C14orf132: variants seen among roughly 807,000 people sequenced by gnomAD.
C14orf132 encodes chromosome 14 open reading frame 132, also known as uncharacterized protein C14orf132.
Under a neutral mutation model 5.8 loss-of-function variants are expected in C14orf132, and 6 were observed. The ratio of observed to expected loss-of-function variants is 1.03; its 90% CI spans 0.57 to 2.04. The LOEUF is 2.04. Among genes scored for constraint, C14orf132 ranks in the 30% most tolerant of loss-of-function variants. The probability of loss-of-function intolerance (pLI) is 0.00; values close to 1 mark genes in which losing one functional copy is unlikely to be tolerated. For synonymous variants in C14orf132, 51 were observed against 49.8 expected (o/e 1.02, Z -0.10); for missense variants, 125 against 115.8 (o/e 1.08, Z -0.37).
At chr14:96,040,712 C>T (rs1886669207) in intron 1 of C14orf132, among the ~76,000 whole-genome samples, 1 of 152,040 alleles carries the variant, frequency 6.6e-6, no homozygotes, top group South Asian at 2.1e-4. Flanking sequence ...CTTAAGTTTT[C>T]CATGATGCTA....
intron 1 of C14orf132, among the ~76,000 whole-genome samples, chr14:96,065,535 T>C (rs116117257): frequency 0.016 from 2,451 of 152,160 alleles, 87 homozygotes; most frequent in African/African-American, 0.056. Context: ...CTTTTATTCC[T>C]TTTGTCCTCT....
intron 1 of C14orf132, among the ~76,000 whole-genome samples, chr14:96,082,409 G>A (rs1888054716): frequency 1.3e-5 from 2 of 152,186 alleles, no homozygotes; most frequent in South Asian, 4.1e-4. Flanking sequence ...TGATGGAATT[G>A]AGACTGACTT....
intron 1 of C14orf132, among the ~76,000 whole-genome samples, chr14:96,051,923 AG>A (rs1342108250): frequency 2.6e-5 from 4 of 152,262 alleles, no homozygotes; most frequent in African/African-American, 9.6e-5. Flanking sequence ...AAGACCTGTG[AG>A]GCAGGAGCCC....
chr14:96,049,653 T>TATAGAG (rs371381526), intron 1 of C14orf132, among the ~76,000 whole-genome samples: 2,544 of 82,270 alleles, frequency 0.031, 428 homozygotes, highest in African/African-American at 0.077. Context: ...TATATATATA[T>TATAGAG]AGAGAGAGAG....
At chr14:96,040,976 TG>T (rs1051303721) in intron 1 of C14orf132, among the ~76,000 whole-genome samples, 1 of 152,216 alleles carries the variant, frequency 6.6e-6, no homozygotes, top group African/African-American at 2.4e-5. Flanking sequence ...CTGCTAACCC[TG>T]GAGCTGGCTG....
chr14:96,079,736 G>A (rs1413992529), intron 1 of C14orf132, among the ~76,000 whole-genome samples: 4 of 152,134 alleles, frequency 2.6e-5, no homozygotes, highest in Admixed American at 2.0e-4. Context: ...ACTAAGTGGA[G>A]TCTTCTCTGG....
chr14:96,083,821 C>G lies in C14orf132; in HGVS notation c.28-2690C>G, dbSNP rs553175696. Reference sequence around the variant, plus strand: ...AGTCACAGCAGCGACAGGAAACTGACCTGCAAAGCTATTAAATAAATACCT... The same window carrying G: ...AGTCACAGCAGCGACAGGAAACTGAGCTGCAAAGCTATTAAATAAATACCT... On this transcript the variant is annotated intron_variant, in intron 1 of 1. Coordinates refer to ENST00000555004, the MANE Select transcript of C14orf132 (RefSeq NM_001252507.3). Among the ~76,000 whole-genome samples the G allele has an allele frequency of 2.4e-3, 359 of 152,302 alleles. 1 individual carries two copies. Among genetic ancestry groups the G allele is most frequent in the Non-Finnish European group, 3.5e-3 (239 of 68,012 alleles).
In C14orf132 at chr14:96,055,465, T is replaced by C. The variant is rs565469042; in HGVS notation, c.27+15938T>C. Among the ~76,000 whole-genome samples, 12 of 152,286 alleles carry C rather than the reference T, an allele frequency of 7.9e-5. No individual in the cohort carries two copies. The South Asian group carries it at 2.3e-3, about 29-fold the overall frequency. On this transcript the variant is annotated intron_variant, in intron 1 of 1. Transcript: ENST00000555004. ...AGAACAGAGACTATCAAATCCTCTA[T>C]TCAAAAGGCACACAGAACAGGATTC...
chr14:96,076,340 TC>T (rs1360352891), intron 1 of C14orf132, among the ~76,000 whole-genome samples: 1 of 152,266 alleles, frequency 6.6e-6, no homozygotes, highest in Admixed American at 6.5e-5. Context: ...GAGAGGTTTA[TC>T]ATTGTTATTG....
chr14:96,077,081 T>C (rs1887891306), intron 1 of C14orf132, among the ~76,000 whole-genome samples: 1 of 152,238 alleles, frequency 6.6e-6, no homozygotes, highest in Admixed American at 6.5e-5. Flanking sequence ...TCTGTCCTGG[T>C]GACTATTTCA....
chr14:96,077,556 G>A (rs1178955918), intron 1 of C14orf132, among the ~76,000 whole-genome samples: 1 of 152,166 alleles, frequency 6.6e-6, no homozygotes, highest in Non-Finnish European at 1.5e-5. Flanking sequence ...GCAAGCCAAC[G>A]AGAGAGGCCT....
intron 1 of C14orf132, among the ~76,000 whole-genome samples, chr14:96,049,137 G>A (rs545213692): frequency 1.3e-5 from 2 of 152,200 alleles, no homozygotes; most frequent in South Asian, 4.1e-4. Flanking sequence ...TGTTGGGCCA[G>A]GTGTGGTGGC....
At chr14:96,051,614 G>A (rs186706115) in intron 1 of C14orf132, among the ~76,000 whole-genome samples, 2 of 152,304 alleles carry the variant, frequency 1.3e-5, no homozygotes, top group East Asian at 1.9e-4. Flanking sequence ...GCTGACTAAT[G>A]TGCTCTCCCA....
intron 1 of C14orf132, among the ~76,000 whole-genome samples, chr14:96,082,040 C>T (rs1341523930): frequency 6.6e-6 from 1 of 152,194 alleles, no homozygotes; most frequent in Non-Finnish European, 1.5e-5. Context: ...CAAGAAGAGA[C>T]TAGTTTTCTT....
intron 1 of C14orf132, among the ~76,000 whole-genome samples, chr14:96,073,799 C>T (rs752271820): frequency 1.3e-5 from 2 of 152,030 alleles, no homozygotes; most frequent in East Asian, 1.9e-4. Context: ...AAATGCCCAT[C>T]GATGATAGAC....
chr14:96,041,486 A>G (rs997471771), intron 1 of C14orf132, among the ~76,000 whole-genome samples: 3 of 152,202 alleles, frequency 2.0e-5, no homozygotes, highest in African/African-American at 7.2e-5. Flanking sequence ...TCTATTTCAG[A>G]ATGATTTCTC....
At position 96,086,971 on chromosome 14, in the gene C14orf132, C is replaced by A; in HGVS notation, c.*236C>A. 1.8e-6 allele frequency: 1 copy of A among 561,424 alleles called. No individual in the cohort carries two copies. Among genetic ancestry groups the A allele is most frequent in the East Asian group, 3.0e-5 (1 of 33,738 alleles). The allele number at this position is 561,424 out of a possible 1,614,324, so 34.8% of individuals were successfully genotyped here. A position where few individuals can be genotyped will look rare whatever the true frequency, so the allele number is the denominator to read the frequency against. Reference sequence around the variant, plus strand: ...CCCTAGAGGCATGACGGGGCAAGGCCTTCAGAGGGCAGATTGGGGATCCTT... The same window carrying A: ...CCCTAGAGGCATGACGGGGCAAGGCATTCAGAGGGCAGATTGGGGATCCTT... On this transcript the variant is annotated 3_prime_UTR_variant, in exon 2 of 2. Coordinates refer to ENST00000555004, the MANE Select transcript of C14orf132 (RefSeq NM_001252507.3).
chr14:96,064,869 A>G (rs2139662868), intron 1 of C14orf132, among the ~76,000 whole-genome samples: 1 of 152,274 alleles, frequency 6.6e-6, no homozygotes, highest in Middle Eastern at 3.4e-3. Flanking sequence ...TCCTCATCTT[A>G]ATTTGCTCTC....
intron 1 of C14orf132, among the ~76,000 whole-genome samples, chr14:96,043,489 C>T (rs1337239835): frequency 1.3e-5 from 2 of 152,140 alleles, no homozygotes; most frequent in Non-Finnish European, 2.9e-5. Flanking sequence ...CTGTCCCGTC[C>T]CTGCAGTGAG....
Sources: allele counts gnomAD v4.1 joint callset (sites outside exome capture counted in the v4.1 genomes callset), GRCh38; gene constraint gnomAD v4.1.1; transcripts MANE v1.5; gene names NCBI Gene and HGNC (gene_info 2026-07-23, HGNC 2026-07-21).